PTPRG: variants seen among roughly 807,000 people sequenced by gnomAD.
PTPRG encodes the protein receptor-type tyrosine-protein phosphatase gamma.
A neutral mutation model predicts 165.3 loss-of-function variants in PTPRG; 102 were observed. The ratio of observed to expected loss-of-function variants is 0.62; its 90% confidence interval spans 0.53 to 0.73. The LOEUF is 0.73. Ranked by LOEUF, PTPRG falls within the 30% of genes least tolerant of loss-of-function variation. The probability of loss-of-function intolerance (pLI) is 0.00; values close to 1 mark genes in which losing one functional copy is unlikely to be tolerated. For synonymous variants in PTPRG, 675 were observed against 669.5 expected, an observed-to-expected ratio of 1.01 and a Z score of -0.13; for missense variants, 1,866 against 1,861.4, an observed-to-expected ratio of 1.00 and a Z score of -0.05.
intron 2 of PTPRG, among the ~76,000 whole-genome samples, chr3:61,776,422 G>A (rs561163585): frequency 1.3e-5 from 2 of 152,108 alleles, no homozygotes; most frequent in South Asian, 4.1e-4. Flanking sequence ...CCTGCTGTGC[G>A]AAACACTCTT....
chr3:62,102,692 T>C (rs1243948001), intron 5 of PTPRG, among the ~76,000 whole-genome samples: 2 of 152,140 alleles, frequency 1.3e-5, no homozygotes, highest in East Asian at 3.9e-4. Flanking sequence ...AAATCATCAC[T>C]ACTCTCTGCC....
chr3:61,862,928 C>G (rs773933017), intron 2 of PTPRG, among the ~76,000 whole-genome samples: 1 of 152,138 alleles, frequency 6.6e-6, no homozygotes, highest in Non-Finnish European at 1.5e-5. Flanking sequence ...TTTGTGGGGT[C>G]TTAATTGCCT....
chr3:61,843,788 C>T (rs1213792526), intron 2 of PTPRG, among the ~76,000 whole-genome samples: 7 of 151,426 alleles, frequency 4.6e-5, no homozygotes, highest in Non-Finnish European at 1.0e-4. Flanking sequence ...TTGATGTCAG[C>T]ACCAGCAGAA....
chr3:62,151,380 A>C (rs1466093059), intron 6 of PTPRG, among the ~76,000 whole-genome samples: 1 of 152,200 alleles, frequency 6.6e-6, no homozygotes, highest in Non-Finnish European at 1.5e-5. Flanking sequence ...GTCATTCAAA[A>C]TGCTTAAAAA....
chr3:62,160,344 T>C (rs911412285), intron 7 of PTPRG, among the ~76,000 whole-genome samples: 1 of 152,236 alleles, frequency 6.6e-6, no homozygotes, highest in Admixed American at 6.5e-5. Context: ...TGTGCACTTG[T>C]ACCTCTGGCT....
intron 7 of PTPRG, among the ~76,000 whole-genome samples, chr3:62,161,731 A>C (rs1439410698): frequency 6.6e-6 from 1 of 152,222 alleles, no homozygotes; most frequent in Non-Finnish European, 1.5e-5. Flanking sequence ...ATGGCCCTGC[A>C]TTTAGCTAGC....
chr3:61,788,382 C>T (rs2034772672), intron 2 of PTPRG, among the ~76,000 whole-genome samples: 2 of 152,190 alleles, frequency 1.3e-5, no homozygotes, highest in Non-Finnish European at 2.9e-5. Context: ...TTTATTAACA[C>T]ATTACAAGAT....
At chr3:62,030,688 C>T (rs1018699551) in intron 4 of PTPRG, among the ~76,000 whole-genome samples, 6 of 152,074 alleles carry the variant, frequency 3.9e-5, no homozygotes, top group Admixed American at 1.3e-4. Context: ...CACTCATGGA[C>T]AGTTAATGAA....
At chr3:61,793,698 A>C (rs1484193969) in intron 2 of PTPRG, among the ~76,000 whole-genome samples, 1 of 152,212 alleles carries the variant, frequency 6.6e-6, no homozygotes, top group East Asian at 1.9e-4. Context: ...TTAACTTGCA[A>C]ATTGGCAGAA....
In PTPRG at chr3:62,272,884, G is replaced by T. The variant is rs555582480; in HGVS notation, c.3183-62G>T. The T allele has an allele frequency of 3.5e-6, 5 of 1,431,580 alleles. No individual in the cohort carries two copies. In the East Asian group the frequency reaches 7.8e-5, roughly 22 times the overall value. The allele number at this position is 1,431,580 out of a possible 1,614,324, so 88.7% of individuals were successfully genotyped here. A position where few individuals can be genotyped will look rare whatever the true frequency, so the allele number is the denominator to read the frequency against. On this transcript the variant is annotated intron_variant, in intron 21 of 29. Coordinates refer to ENST00000474889, the MANE Select transcript of PTPRG (RefSeq NM_002841.4). ...AATGGGGTTTAGATTGGAATTTTTC[G>T]AATCCAAAGTTAACAGTATGATAAA...
At chr3:61,941,287 C>G (rs1482406161) in intron 2 of PTPRG, among the ~76,000 whole-genome samples, 2 of 152,228 alleles carry the variant, frequency 1.3e-5, no homozygotes, top group Non-Finnish European at 2.9e-5. Context: ...TATTATGATT[C>G]TCTATCAGGG....
At chr3:62,113,761 G>A (rs934680051) in intron 5 of PTPRG, among the ~76,000 whole-genome samples, 4 of 152,094 alleles carry the variant, frequency 2.6e-5, no homozygotes, top group Non-Finnish European at 5.9e-5. Context: ...ACTATAAAGT[G>A]GTTTTGACCC....
intron 1 of PTPRG, among the ~76,000 whole-genome samples, chr3:61,700,944 A>C (rs550859158): frequency 1.3e-5 from 2 of 152,282 alleles, no homozygotes; most frequent in South Asian, 4.1e-4. Context: ...CTTTGCCCCT[A>C]TCCGGGTCAA....
intron 1 of PTPRG, among the ~76,000 whole-genome samples, chr3:61,568,683 A>T (rs73093101): frequency 0.32 from 48,490 of 151,752 alleles, 8,383 homozygotes; most frequent in East Asian, 0.61. Flanking sequence ...GCCCAGGCGG[A>T]CGGAACATGA....
chr3:62,242,107 C>T (rs1701171981), intron 14 of PTPRG, among the ~76,000 whole-genome samples: 1 of 152,168 alleles, frequency 6.6e-6, no homozygotes, highest in Admixed American at 6.5e-5. Flanking sequence ...TTATCTCAAA[C>T]ATCAAAATAA....
At chr3:61,599,951 G>T (rs1431769483) in intron 1 of PTPRG, among the ~76,000 whole-genome samples, 1 of 151,800 alleles carries the variant, frequency 6.6e-6, no homozygotes, top group African/African-American at 2.4e-5. Flanking sequence ...TTGAGGCCAG[G>T]AGTTTGAGAC....
At chr3:61,863,846 G>A (rs1437463200) in intron 2 of PTPRG, among the ~76,000 whole-genome samples, 4 of 152,240 alleles carry the variant, frequency 2.6e-5, no homozygotes, top group Non-Finnish European at 5.9e-5. Flanking sequence ...ATAGAAAAGA[G>A]ACAGTTCAGC....
intron 1 of PTPRG, among the ~76,000 whole-genome samples, chr3:61,746,716 A>G (rs1378092112): frequency 6.6e-6 from 1 of 152,124 alleles, no homozygotes; most frequent in Non-Finnish European, 1.5e-5. Flanking sequence ...ACTGGCTTGA[A>G]CCAAACAAGG....
chr3:61,806,441 G>A (rs1161631543), intron 2 of PTPRG, among the ~76,000 whole-genome samples: 1 of 152,172 alleles, frequency 6.6e-6, no homozygotes, highest in African/African-American at 2.4e-5. Context: ...TCCAGGTTCT[G>A]AATACACATG....
Sources: allele counts gnomAD v4.1 joint callset (sites outside exome capture counted in the v4.1 genomes callset), GRCh38; gene constraint gnomAD v4.1.1; transcripts MANE v1.5; gene names NCBI Gene and HGNC (gene_info 2026-07-23, HGNC 2026-07-21).